DENND5A: variants seen among roughly 807,000 people sequenced by gnomAD.
DENND5A encodes the protein DENN domain-containing protein 5A.
Under a neutral mutation model 140.3 loss-of-function variants are expected in DENND5A, and 64 were observed. The ratio of observed to expected loss-of-function variants is 0.46; its 90% CI spans 0.37 to 0.56. DENND5A has a LOEUF of 0.56. DENND5A is among the 20% of genes least tolerant of loss of function. The probability of loss-of-function intolerance (pLI) is 0.00; values close to 1 mark genes in which losing one functional copy is unlikely to be tolerated. For missense variants in DENND5A, 1,292 were observed against 1,593.8 expected, an observed-to-expected ratio of 0.81 and a Z score of 3.22; for synonymous variants, 605 against 607.7, an observed-to-expected ratio of 1.00 and a Z score of 0.07.
chr11:9,144,040 G>T (rs1590202931), intron 19 of DENND5A, 57 bp downstream of exon 19: 2 of 1,552,294 alleles, frequency 1.3e-6, no homozygotes, highest in East Asian at 2.3e-5. Context: ...GGCTCACAGA[G>T]ATCCACCCAT....
intron 1 of DENND5A, among the ~76,000 whole-genome samples, chr11:9,212,465 C>A (rs1367789360): frequency 6.6e-6 from 1 of 151,926 alleles, no homozygotes; most frequent in Non-Finnish European, 1.5e-5. Flanking sequence ...TAAAATAATA[C>A]ACAAGTACAC....
chr11:9,210,074 T>G (rs551839017), intron 1 of DENND5A, among the ~76,000 whole-genome samples: 3 of 151,610 alleles, frequency 2.0e-5, no homozygotes, highest in Non-Finnish European at 4.4e-5. Context: ...ACCATTATAC[T>G]CCAGCTTGGG....
intron 1 of DENND5A, among the ~76,000 whole-genome samples, chr11:9,244,445 C>T (rs893631803): frequency 6.6e-6 from 1 of 152,164 alleles, no homozygotes; most frequent in Non-Finnish European, 1.5e-5. Flanking sequence ...TCTCAGCTCA[C>T]CGCAACCTCC....
chr11:9,180,399 G>A (rs1848688658), intron 6 of DENND5A, among the ~76,000 whole-genome samples: 1 of 152,168 alleles, frequency 6.6e-6, no homozygotes, highest in Non-Finnish European at 1.5e-5. Context: ...GCTGCAGTGA[G>A]CCGTGACCGT....
chr11:9,173,198 C>T (rs1323849601), intron 8 of DENND5A, among the ~76,000 whole-genome samples: 1 of 151,846 alleles, frequency 6.6e-6, no homozygotes, highest in African/African-American at 2.4e-5. Context: ...CTTTCAAAGA[C>T]AAAAGAATTA....
chr11:9,171,696 T>TAAAAAAAAA (rs1369592894), intron 8 of DENND5A: 1 of 99,456 alleles, frequency 1.0e-5, no homozygotes, highest in African/African-American at 4.3e-5. Context: ...CCTCATCTCT[T>TAAAAAAAAA]CAAAAAAAAA....
intron 11 of DENND5A, among the ~76,000 whole-genome samples, chr11:9,162,233 C>CTTTTTTTT (rs1221675349): frequency 1.1e-4 from 11 of 97,322 alleles, no homozygotes; most frequent in Non-Finnish European, 1.6e-4. Flanking sequence ...CCAGTTCCTT[C>CTTTTTTTT]TTTTTTTTTT....
intron 4 of DENND5A, among the ~76,000 whole-genome samples, chr11:9,202,633 C>G (rs1291026721): frequency 2.0e-5 from 3 of 152,172 alleles, no homozygotes; most frequent in African/African-American, 4.8e-5. Flanking sequence ...AAGCCAAAGT[C>G]CTTACAATGG....
intron 10 of DENND5A, 26 bp downstream of exon 10, chr11:9,169,830 T>A: frequency 7.5e-7 from 1 of 1,331,094 alleles, no homozygotes; most frequent in Middle Eastern, 1.8e-4. Flanking sequence ...AGCAAGGTCA[T>A]CCTTATCATT....
chr11:9,211,424 C>CAAT (rs1314037661), intron 1 of DENND5A, among the ~76,000 whole-genome samples: 3 of 151,922 alleles, frequency 2.0e-5, no homozygotes, highest in South Asian at 2.1e-4. Context: ...AAAATAATAA[C>CAAT]AATAATAATA....
At chr11:9,215,277 T>C (rs925828944) in intron 1 of DENND5A, among the ~76,000 whole-genome samples, 1 of 152,210 alleles carries the variant, frequency 6.6e-6, no homozygotes, top group Non-Finnish European at 1.5e-5. Context: ...ATGTACCTAG[T>C]ATTTCTAAAA....
intron 12 of DENND5A, among the ~76,000 whole-genome samples, chr11:9,160,101 T>C (rs1847929014): frequency 6.6e-6 from 1 of 152,222 alleles, no homozygotes; most frequent in Non-Finnish European, 1.5e-5. Flanking sequence ...TATTTTCTAA[T>C]TTTTCCATGA....
At chr11:9,164,194 A>ATTTTTTT (rs779522112) in intron 11 of DENND5A, among the ~76,000 whole-genome samples, 7 of 79,068 alleles carry the variant, frequency 8.9e-5, no homozygotes, top group South Asian at 4.5e-4. Context: ...ACCACGCCTA[A>ATTTTTTT]TTTTTTTTTT....
intron 1 of DENND5A, among the ~76,000 whole-genome samples, chr11:9,232,130 A>G (rs993655679): frequency 5.9e-5 from 9 of 152,180 alleles, no homozygotes; most frequent in Admixed American, 1.3e-4. Flanking sequence ...TAAATATGAA[A>G]GGTAAAAAAA....
intron 1 of DENND5A, among the ~76,000 whole-genome samples, chr11:9,238,777 C>G (rs1051725518): frequency 1.3e-5 from 2 of 151,384 alleles, no homozygotes; most frequent in African/African-American, 4.9e-5. Flanking sequence ...AAGCCTAATT[C>G]CAGATAAAGG....
chr11:9,245,812 T>A (rs528022928), intron 1 of DENND5A, among the ~76,000 whole-genome samples: 105 of 152,016 alleles, frequency 6.9e-4, no homozygotes, highest in African/African-American at 2.3e-3. Flanking sequence ...TTTTGTATTC[T>A]TAGTAGAGAC....
chr11:9,211,420 A>G (rs914616986), intron 1 of DENND5A, among the ~76,000 whole-genome samples: 4 of 152,172 alleles, frequency 2.6e-5, no homozygotes, highest in African/African-American at 9.7e-5. Flanking sequence ...CTTAAAAATA[A>G]TAACAATAAT....
chr11:9,144,362 GA>G, intron 18 of DENND5A, 84 bp from the exon 19 acceptor site: 3 of 1,381,294 alleles, frequency 2.2e-6, no homozygotes, highest in Non-Finnish European at 3.0e-6. Context: ...CCAATCCCTG[GA>G]GATAGGCTCT....
chr11:9,227,439 C>G (rs1414168887), intron 1 of DENND5A, among the ~76,000 whole-genome samples: 1 of 152,116 alleles, frequency 6.6e-6, no homozygotes, highest in African/African-American at 2.4e-5. Context: ...AACGCATGAG[C>G]ACATTTTAGT....
Sources: gnomAD v4.1 joint callset for allele counts (sites outside exome capture counted in the v4.1 genomes callset) on GRCh38, gnomAD v4.1.1 for gene constraint, MANE v1.5 for transcripts, NCBI Gene and HGNC (gene_info 2026-07-23, HGNC 2026-07-21) for gene names.